Variants in PARD3 observed in about 807,000 individuals in gnomAD.
PARD3 encodes partitioning defective 3 homolog.
In PARD3, 75 loss-of-function variants were observed where a neutral mutation model predicts 155.4. The observed-to-expected ratio is 0.48, with a 90% CI of 0.40 to 0.58. PARD3 has a LOEUF of 0.58. Ranked by LOEUF, PARD3 falls within the 20% of genes least tolerant of loss-of-function variation. The probability of loss-of-function intolerance (pLI) is 0.00; values close to 1 mark genes in which losing one functional copy is unlikely to be tolerated. For synonymous variants in PARD3, 576 were observed against 610.5 expected (o/e 0.94, Z 0.83); for missense variants, 1,642 against 1,721.7 (o/e 0.95, Z 0.82).
chr10:34,677,087 C>A (rs191896076), intron 2 of PARD3, among the ~76,000 whole-genome samples: 1 of 152,068 alleles, frequency 6.6e-6, no homozygotes, highest in African/African-American at 2.4e-5. Flanking sequence ...GCAGTTTCTG[C>A]GGAAGGAAGT....
At chr10:34,632,866 G>T (rs2092325550) in intron 2 of PARD3, among the ~76,000 whole-genome samples, 1 of 152,214 alleles carries the variant, frequency 6.6e-6, no homozygotes, top group Non-Finnish European at 1.5e-5. Context: ...TGGTTGGAGT[G>T]TCTTTACTTC....
chr10:34,781,114 C>G (rs936534658), intron 1 of PARD3, among the ~76,000 whole-genome samples: 2 of 152,172 alleles, frequency 1.3e-5, no homozygotes, highest in Admixed American at 6.5e-5. Flanking sequence ...ACCTGGGGCA[C>G]CCCTCCCCCC....
intron 7 of PARD3, among the ~76,000 whole-genome samples, chr10:34,395,843 CAAAAAAAAAA>C (rs1173283584): frequency 4.3e-5 from 1 of 23,298 alleles, no homozygotes; most frequent in Non-Finnish European, 5.7e-5. Flanking sequence ...GACTCCGTCT[CAAAAAAAAAA>C]AAAAAAAAAA....
At chr10:34,263,360 C>CA (rs1955122715) in intron 22 of PARD3, among the ~76,000 whole-genome samples, 2 of 152,036 alleles carry the variant, frequency 1.3e-5, no homozygotes, top group South Asian at 4.2e-4. Context: ...CAGCTGATGG[C>CA]AGAAGAGCCC....
At chr10:34,781,569 T>C (rs1840238883) in intron 1 of PARD3, among the ~76,000 whole-genome samples, 1 of 152,238 alleles carries the variant, frequency 6.6e-6, no homozygotes. Flanking sequence ...GAATGGTAGG[T>C]GACAGCTGGA....
chr10:34,319,544 A>G (rs1958249343), intron 19 of PARD3, among the ~76,000 whole-genome samples: 1 of 152,260 alleles, frequency 6.6e-6, no homozygotes, highest in African/African-American at 2.4e-5. Flanking sequence ...GTTTATTAGA[A>G]GAAGCCAGTT....
At chr10:34,463,303 G>A (rs992170594) in intron 4 of PARD3, among the ~76,000 whole-genome samples, 1 of 118,950 alleles carries the variant, frequency 8.4e-6, no homozygotes, top group East Asian at 3.0e-4. Context: ...AGAAAGGGGA[G>A]GGGAAAGGGA....
At chr10:34,566,280 T>A (rs1348661842) in intron 2 of PARD3, among the ~76,000 whole-genome samples, 1 of 152,220 alleles carries the variant, frequency 6.6e-6, no homozygotes, top group Non-Finnish European at 1.5e-5. Flanking sequence ...TCTATACAAG[T>A]CATTCAAAGC....
chr10:34,130,796 C>T (rs1187123795), intron 23 of PARD3, among the ~76,000 whole-genome samples: 1 of 152,210 alleles, frequency 6.6e-6, no homozygotes, highest in Non-Finnish European at 1.5e-5. Context: ...CACAGTGGTT[C>T]ACAACTGTAA....
At chr10:34,394,474 T>C (rs1451674615) in intron 7 of PARD3, among the ~76,000 whole-genome samples, 1 of 152,146 alleles carries the variant, frequency 6.6e-6, no homozygotes, top group Non-Finnish European at 1.5e-5. Context: ...CATAGGTGTA[T>C]GCCAGCACAC....
chr10:34,306,239 C>A (rs1480289659), intron 20 of PARD3, among the ~76,000 whole-genome samples: 2 of 149,734 alleles, frequency 1.3e-5, no homozygotes, highest in South Asian at 4.2e-4. Context: ...TGAGATCGCG[C>A]CAGTGCACTC....
chr10:34,469,645 T>C (rs564205006), intron 4 of PARD3, among the ~76,000 whole-genome samples: 2 of 152,316 alleles, frequency 1.3e-5, no homozygotes, highest in South Asian at 2.1e-4. Context: ...AGTTCCTTAA[T>C]GTACCTCATG....
intron 12 of PARD3, among the ~76,000 whole-genome samples, chr10:34,368,353 G>T (rs1279196371): frequency 6.6e-6 from 1 of 152,172 alleles, no homozygotes; most frequent in Admixed American, 6.5e-5. Context: ...AGGATTAGAA[G>T]TTGGCGTCCG....
chr10:34,736,601 GAAGA>G (rs1304764688), intron 1 of PARD3, among the ~76,000 whole-genome samples: 2 of 151,946 alleles, frequency 1.3e-5, no homozygotes, highest in South Asian at 2.1e-4. Flanking sequence ...CAACTACACT[GAAGA>G]AAGAGTTATT....
At chr10:34,517,401 T>A (rs998944079) in intron 2 of PARD3, among the ~76,000 whole-genome samples, 1 of 152,144 alleles carries the variant, frequency 6.6e-6, no homozygotes, top group African/African-American at 2.4e-5. Context: ...AATAATAAAA[T>A]TGTTTGCTAT....
chr10:34,540,025 G>A (rs2083490352), intron 2 of PARD3, among the ~76,000 whole-genome samples: 1 of 152,196 alleles, frequency 6.6e-6, no homozygotes, highest in Non-Finnish European at 1.5e-5. Context: ...CACCAAGTGT[G>A]CAGGGCGGAA....
chr10:34,622,005 A>G (rs549441265), intron 2 of PARD3, among the ~76,000 whole-genome samples: 22 of 152,318 alleles, frequency 1.4e-4, no homozygotes, highest in Non-Finnish European at 2.5e-4. Flanking sequence ...TAGTTTTCAC[A>G]TATCTTAAAA....
chr10:34,638,008 G>A (rs914461845), intron 2 of PARD3, among the ~76,000 whole-genome samples: 14 of 152,228 alleles, frequency 9.2e-5, no homozygotes, highest in Non-Finnish European at 1.8e-4. Context: ...CTGTGCACCC[G>A]CCATTCTTAC....
In PARD3 at chr10:34,266,877, A is replaced by T. The variant is rs574499902; in HGVS notation, c.3419+2780T>A. Among the ~76,000 whole-genome samples, 9 of 152,274 alleles carry T rather than the reference A, an allele frequency of 5.9e-5. No individual in the cohort carries two copies. The South Asian group carries it at 1.9e-3, about 32-fold the overall frequency. ...CTACTGAAAATTTGCAGACATTTAC[A>T]TGCAAGATTTAGACTCTTGTAGGGC... On this transcript the variant is annotated intron_variant, in intron 22 of 24. Transcript: ENST00000374788.
Sources: allele counts gnomAD v4.1 joint callset (sites outside exome capture counted in the v4.1 genomes callset), GRCh38; gene constraint gnomAD v4.1.1; transcripts MANE v1.5; gene names NCBI Gene and HGNC (gene_info 2026-07-23, HGNC 2026-07-21).